CACNA1C: variants seen among roughly 807,000 people sequenced by gnomAD.
CACNA1C encodes calcium voltage-gated channel subunit alpha1 C.
A neutral mutation model predicts 229.0 loss-of-function variants in CACNA1C; 30 were observed. The ratio of observed to expected loss-of-function variants is 0.13; its 90% CI spans 0.10 to 0.18. The LOEUF is 0.18. Ranked by LOEUF, CACNA1C falls within the 10% of genes least tolerant of loss-of-function variation. The probability of loss-of-function intolerance (pLI) is 1.00; values close to 1 mark genes in which losing one functional copy is unlikely to be tolerated. For synonymous variants in CACNA1C, 1,114 were observed against 1,132.5 expected (o/e 0.98, Z 0.33); for missense variants, 1,658 against 2,845.0 (o/e 0.58, Z 9.49).
chr12:2,661,316 A>C (rs11062297), intron 34 of CACNA1C, among the ~76,000 whole-genome samples: 33 of 128,492 alleles, frequency 2.6e-4, no homozygotes, highest in African/African-American at 4.1e-4. Flanking sequence ...CACACACACA[A>C]GATTTTTCTA....
intron 3 of CACNA1C, among the ~76,000 whole-genome samples, chr12:2,137,532 G>C (rs999513973): frequency 6.6e-6 from 1 of 151,230 alleles, no homozygotes; most frequent in Non-Finnish European, 1.5e-5. Flanking sequence ...GCAGCAGTGA[G>C]CTATGATTAC....
intron 3 of CACNA1C, among the ~76,000 whole-genome samples, chr12:2,218,927 T>C (rs952289904): frequency 1.3e-5 from 2 of 152,122 alleles, no homozygotes; most frequent in Non-Finnish European, 2.9e-5. Flanking sequence ...TAGTTCAGCC[T>C]CTGAAATGCC....
At chr12:2,229,241 T>C (rs2063967864) in intron 3 of CACNA1C, among the ~76,000 whole-genome samples, 1 of 152,176 alleles carries the variant, frequency 6.6e-6, no homozygotes, top group Non-Finnish European at 1.5e-5. Flanking sequence ...CTCGGCCTCA[T>C]TGAAAGAATT....
chr12:2,457,085 A>G (rs1308972355), intron 4 of CACNA1C, among the ~76,000 whole-genome samples: 3 of 152,222 alleles, frequency 2.0e-5, no homozygotes, highest in African/African-American at 7.2e-5. Context: ...CTGAGCAGCC[A>G]CCAAGGCCAG....
intron 18 of CACNA1C, among the ~76,000 whole-genome samples, chr12:2,592,421 G>A (rs2065825576): frequency 6.6e-6 from 1 of 152,224 alleles, no homozygotes; most frequent in Admixed American, 6.5e-5. Context: ...CAGGATTCTG[G>A]TCCAGGCGAT....
chr12:2,680,585 A>G, intron 42 of CACNA1C: 2 of 1,554,018 alleles, frequency 1.3e-6, no homozygotes, highest in Non-Finnish European at 1.7e-6. Context: ...GGTTCTTGAC[A>G]TGCTCGCCCT....
intron 3 of CACNA1C, among the ~76,000 whole-genome samples, chr12:2,383,253 G>A (rs1411588330): frequency 6.6e-6 from 1 of 152,180 alleles, no homozygotes; most frequent in Non-Finnish European, 1.5e-5. Flanking sequence ...GTGGGTGGGA[G>A]CAAAGGCAAA....
At chr12:2,327,382 G>A (rs573950975) in intron 3 of CACNA1C, among the ~76,000 whole-genome samples, 1 of 152,350 alleles carries the variant, frequency 6.6e-6, no homozygotes, top group African/African-American at 2.4e-5. Context: ...AGCTGACTGA[G>A]CAAGTGGTTG....
At chr12:2,528,935 C>T (rs1179894201) in intron 9 of CACNA1C, among the ~76,000 whole-genome samples, 3 of 152,278 alleles carry the variant, frequency 2.0e-5, no homozygotes, top group East Asian at 1.9e-4. Context: ...CACGCAGGCC[C>T]AGTTGGAGGA....
intron 7 of CACNA1C, among the ~76,000 whole-genome samples, chr12:2,497,444 T>G (rs1158567702): frequency 6.6e-6 from 1 of 152,204 alleles, no homozygotes; most frequent in Middle Eastern, 3.2e-3. Context: ...GCAGCTAGAC[T>G]AGGCATCACA....
At position 2,479,804 on chromosome 12, in the gene CACNA1C, G is replaced by T. The variant is rs2099662881; in HGVS notation, c.758-6300G>T. ...ATTGGGGATATCACATGTAGAAGGGGTTTTCCCAGGCTTGAGGTTGACTCG... is the reference window on the plus strand; with the variant it reads ...ATTGGGGATATCACATGTAGAAGGGTTTTTCCCAGGCTTGAGGTTGACTCG... On this transcript the variant is annotated intron_variant, in intron 5 of 46. Coordinates refer to ENST00000399655, the MANE Select transcript of CACNA1C (RefSeq NM_000719.7). The surrounding 1 kb of genome is among the most constrained non-coding windows in gnomAD (Gnocchi z 4.3). Among the ~76,000 whole-genome samples, 1 of 152,210 alleles carries T rather than the reference G, an allele frequency of 6.6e-6. No individual in the cohort carries two copies. Among genetic ancestry groups the T allele is most frequent in the South Asian group, 2.1e-4 (1 of 4,820 alleles).
intron 3 of CACNA1C, among the ~76,000 whole-genome samples, chr12:2,412,545 G>T (rs1015186502): frequency 1.3e-5 from 2 of 152,214 alleles, no homozygotes; most frequent in African/African-American, 4.8e-5. Context: ...TTTAGGGCTC[G>T]GGAGAAAGCA....
chr12:2,177,554 C>T (rs146968604), intron 3 of CACNA1C, among the ~76,000 whole-genome samples: 2,096 of 128,348 alleles, frequency 0.016, 77 homozygotes, highest in African/African-American at 0.059. Flanking sequence ...TCCTTCCTTC[C>T]CTTTCCTTCC....
chr12:2,311,728 A>G (rs2095447097), intron 3 of CACNA1C, among the ~76,000 whole-genome samples: 2 of 152,174 alleles, frequency 1.3e-5, no homozygotes, highest in Non-Finnish European at 2.9e-5. Context: ...GCAGAGAAAA[A>G]CCGTGGCATC....
rs1369958442 is a variant in CACNA1C, at chr12:2,034,476, G to A, written c.139+63275G>A. On this transcript the variant is annotated intron_variant, in intron 1 of 46. Coordinates refer to the CACNA1C transcript ENST00000682462. This position sits in a 1 kb window ranked among gnomAD's most constrained non-coding sequence, Gnocchi z 4.1. ...AGCTGGGGCTGCATTTCCATCCCTC[G>A]GAGGTCTCAGGCAGAGGCTGAGGTA... Among the ~76,000 whole-genome samples, 2 of 152,208 alleles carry A rather than the reference G, an allele frequency of 1.3e-5. No homozygotes were observed. Among genetic ancestry groups the A allele is most frequent in the Non-Finnish European group, 2.9e-5 (2 of 68,048 alleles).
At chr12:2,256,477 C>T (rs76836074) in intron 3 of CACNA1C, among the ~76,000 whole-genome samples, 10,217 of 152,184 alleles carry the variant, frequency 0.067, 498 homozygotes, top group African/African-American at 0.13. Flanking sequence ...ATTGAGCTTT[C>T]ATTACCTGTC....
chr12:2,553,841 A>G (rs2042643204), intron 10 of CACNA1C, among the ~76,000 whole-genome samples: 1 of 152,220 alleles, frequency 6.6e-6, no homozygotes. Context: ...GGCTCTGGCC[A>G]GAGTCATGGA....
intron 5 of CACNA1C, among the ~76,000 whole-genome samples, chr12:2,475,429 A>G (rs2099621553): frequency 2.0e-5 from 3 of 152,258 alleles, no homozygotes; most frequent in Admixed American, 2.0e-4. Flanking sequence ...CCCACAGGGA[A>G]TTGAGATATT....
chr12:2,110,945 C>CACCCGAGAGGCCACACCTGTCTT (rs1198075046), intron 1 of CACNA1C, among the ~76,000 whole-genome samples: 33 of 149,160 alleles, frequency 2.2e-4, no homozygotes, highest in African/African-American at 8.3e-4. Flanking sequence ...ATACCTGTCT[C>CACCCGAGAGGCCACACCTGTCTT]ACCCGAGAGG....
Sources: allele counts gnomAD v4.1 joint callset (sites outside exome capture counted in the v4.1 genomes callset), GRCh38; gene constraint gnomAD v4.1.1; non-coding constraint Gnocchi (gnomAD v3.1); transcripts MANE v1.5; gene names NCBI Gene and HGNC (gene_info 2026-07-23, HGNC 2026-07-21).